The following BIVM variants were observed in gnomAD, a reference collection of about 807,000 sequenced individuals.
BIVM encodes basic, immunoglobulin-like variable motif containing.
BIVM carries 31 observed loss-of-function variants against 61.4 expected under a neutral mutation model. That is an observed-to-expected ratio of 0.51 (90% confidence interval 0.38 to 0.68). BIVM has a LOEUF of 0.68. Among genes scored for constraint, BIVM ranks in the 30% least tolerant of loss-of-function variants. BIVM has a pLI of 0.00. For synonymous variants in BIVM, 189 were observed against 210.7 expected (o/e 0.90, Z 0.89); for missense variants, 526 against 596.0 (o/e 0.88, Z 1.22).
rs927940351 is a variant in BIVM, at chr13:102,834,675, C to T, written c.1121+123C>T. The T allele has an allele frequency of 4.7e-6, 4 of 855,960 alleles. No individual in the cohort carries two copies. The African/African-American group carries it at 7.2e-5, about 15-fold the overall frequency. 53.0% of individuals were successfully genotyped at this position (855,960 alleles called of 1,614,324 possible). A position where few individuals can be genotyped will look rare whatever the true frequency, so the allele number is the denominator to read the frequency against. ...TGCACCTGTATAATCACCACCCAAA[C>T]AGGATATGGTACACATTCATTGCCA... On this transcript the variant is annotated intron_variant, in intron 9 of 10. Transcript: ENST00000257336.
chr13:102,805,898 A>G (rs971128282), intron 2 of BIVM, among the ~76,000 whole-genome samples: 2 of 152,228 alleles, frequency 1.3e-5, no homozygotes, highest in Admixed American at 1.3e-4. Flanking sequence ...TTATTTATAC[A>G]TTCCTCAGTT....
Position 102,807,610 on chromosome 13 carries a change from A to G in BIVM, c.343A>G (p.Ser115Gly). Reference protein sequence around the residue: ...NSSRYIGIPTSTSEIIYNEEN... With the variant: ...NSSRYIGIPTGTSEIIYNEEN... The stretch of plus-strand genomic sequence containing the variant: ...ATCAAGATACATTGGTATCCCGACT[A>G]GTACATCGGAAATTATCTACAATGA... The change falls in exon 3 of 11, where the codon AGT (serine) becomes GGT (glycine). Residue 115 changes from serine to glycine, a missense_variant. Ser to Gly is a moderately conservative substitution (Grantham distance 56). This residue lies in a region of BIVM where 312 missense variants were observed against 343.8 expected (regional missense o/e 0.91). Transcript: ENST00000257336. The surrounding 1 kb of genome is among the most constrained non-coding windows in gnomAD (Gnocchi z 4.0). 1.2e-6 allele frequency: 2 copies of G among 1,614,216 alleles called. No individual in the cohort carries two copies. The highest frequency in any genetic ancestry group is 8.5e-7 in the Non-Finnish European group (1 of 1,180,046).
chr13:102,838,728 A>C lies in BIVM; in HGVS notation c.1207A>C (p.Lys403Gln). 6.2e-7 allele frequency: 1 copy of C among 1,611,974 alleles called. No individual in the cohort carries two copies. The highest frequency in any genetic ancestry group is 8.5e-7 in the Non-Finnish European group (1 of 1,179,258). Residue 403 changes from lysine to glutamine, a missense_variant, in exon 10 of 11, where the codon AAA becomes CAA. Physicochemically the swap from Lys to Gln is moderately conservative, Grantham distance 53. Around this residue, in one of 3 missense-constraint regions of BIVM, gnomAD observed 210 missense variants for 233.1 expected, o/e 0.90. Coordinates refer to ENST00000257336, the MANE Select transcript of BIVM (RefSeq NM_017693.4). ...RHLERGLQYRKTKKVGGNLHC... is the reference protein window; with the variant it reads ...RHLERGLQYRQTKKVGGNLHC... ...CTTAGAGAGGGGACTGCAGTATAGA[A>C]AAACAAAGAAGGTAAGAAGAACACC...
At chr13:102,817,908 T>C (rs1363035580) in intron 4 of BIVM, among the ~76,000 whole-genome samples, 1 of 152,228 alleles carries the variant, frequency 6.6e-6, no homozygotes, top group East Asian at 1.9e-4. Context: ...TATTGGACCC[T>C]TTGCTGTAGG....
At chr13:102,823,275 T>C (rs541567682) in intron 7 of BIVM, among the ~76,000 whole-genome samples, 1 of 152,290 alleles carries the variant, frequency 6.6e-6, no homozygotes, top group East Asian at 1.9e-4. Flanking sequence ...TCAGATATAT[T>C]TCTGTTGACC....
At chr13:102,822,610 T>C (rs1184652567) in intron 7 of BIVM, among the ~76,000 whole-genome samples, 2 of 152,232 alleles carry the variant, frequency 1.3e-5, no homozygotes, top group South Asian at 2.1e-4. Context: ...GAAAATAGAC[T>C]GTTGAAGTGA....
At chr13:102,827,480 A>T (rs1485540708) in intron 7 of BIVM, among the ~76,000 whole-genome samples, 1 of 151,562 alleles carries the variant, frequency 6.6e-6, no homozygotes, top group African/African-American at 2.4e-5. Flanking sequence ...AGAATATTCG[A>T]CTTTTTACTG....
chr13:102,821,181 G>T, intron 5 of BIVM, 49 bp downstream of exon 5: 1 of 1,522,846 alleles, frequency 6.6e-7, no homozygotes, highest in Non-Finnish European at 8.9e-7. Flanking sequence ...GTAATTTGAT[G>T]TTGCTTTTTC....
chr13:102,814,062 C>T (rs1167029115), intron 3 of BIVM, among the ~76,000 whole-genome samples: 1 of 151,824 alleles, frequency 6.6e-6, no homozygotes, highest in Non-Finnish European at 1.5e-5. Context: ...GTGGTGAATA[C>T]ATATATTTGT....
Position 102,821,043 on chromosome 13 carries a change from C to T in BIVM, c.612C>T (p.Cys204=). ...RKVLDLRRWY[C]ISRPQYKTSC... ...CAGTCTTTTGTGTTCTCAGGTACTG[C>T]ATAAGCCGACCACAGTATAAGACTT... The change falls in exon 5 of 11, where the codon TGC becomes TGT. Residue 204 remains cysteine (C), a synonymous_variant. Transcript: ENST00000257336. 1 of 1,611,964 alleles carries T rather than the reference C, an allele frequency of 6.2e-7. No homozygotes were observed. Among genetic ancestry groups the T allele is most frequent in the Non-Finnish European group, 8.5e-7 (1 of 1,179,526 alleles).
Position 102,807,637 on chromosome 13 carries a change from G to T in BIVM, c.370G>T (p.Glu124Ter). The T allele has an allele frequency of 6.2e-7, 1 of 1,614,120 alleles. No homozygotes were observed. Among genetic ancestry groups the T allele is most frequent in the Non-Finnish European group, 8.5e-7 (1 of 1,180,030 alleles). ...TACATCGGAAATTATCTACAATGAA[G>T]AAAATAGCTTGGAAAACTTATCCAA... is the stretch of plus-strand genomic sequence containing the variant. ...TSTSEIIYNEENSLENLSNSL... is the reference protein window; with the variant it reads ...TSTSEIIYNE Residue 124 changes from glutamate (E) to a stop codon, truncating the protein, a stop_gained, in exon 3 of 11, where the codon GAA becomes TAA. Transcript: ENST00000257336. LOFTEE classifies it high-confidence loss of function. This position sits in a 1 kb window ranked among gnomAD's most constrained non-coding sequence, Gnocchi z 4.0.
chr13:102,806,702 G>A (rs1879115884), intron 2 of BIVM, among the ~76,000 whole-genome samples: 1 of 151,908 alleles, frequency 6.6e-6, no homozygotes, highest in Non-Finnish European at 1.5e-5. Context: ...CTTGAGGTCG[G>A]GATTTTGAGA....
chr13:102,830,849 A>T (rs367719618), intron 7 of BIVM, among the ~76,000 whole-genome samples: 1 of 152,314 alleles, frequency 6.6e-6, no homozygotes, highest in Admixed American at 6.5e-5. Flanking sequence ...AGGTTGCCAC[A>T]CAGGGACAGG....
chr13:102,824,384 C>A (rs1236056219), intron 7 of BIVM, among the ~76,000 whole-genome samples: 1 of 152,160 alleles, frequency 6.6e-6, no homozygotes, highest in Non-Finnish European at 1.5e-5. Flanking sequence ...AGCTTAATTT[C>A]TTTTTAAAAT....
At chr13:102,814,234 T>G (rs1464137664) in intron 3 of BIVM, among the ~76,000 whole-genome samples, 1 of 152,126 alleles carries the variant, frequency 6.6e-6, no homozygotes, top group East Asian at 1.9e-4. Context: ...AGGCAGAAGG[T>G]GCAGGTGTTG....
intron 9 of BIVM, among the ~76,000 whole-genome samples, chr13:102,836,280 AG>A (rs1881465730): frequency 7.9e-5 from 12 of 152,028 alleles, no homozygotes; most frequent in Admixed American, 1.3e-4. Context: ...TTTTTCTAGA[AG>A]CTTTATAGAT....
intron 8 of BIVM, among the ~76,000 whole-genome samples, chr13:102,833,723 A>G (rs144834406): frequency 6.6e-6 from 1 of 152,272 alleles, no homozygotes; most frequent in Non-Finnish European, 1.5e-5. Flanking sequence ...GGTTGGAATG[A>G]CCTGGGAGAA....
At chr13:102,821,964 G>A (rs1880325079) in intron 6 of BIVM, 101 bp from the exon 7 acceptor site, 1 of 1,528,130 alleles carries the variant, frequency 6.5e-7, no homozygotes, top group Non-Finnish European at 9.0e-7. Context: ...CCTCTCATAG[G>A]TATACCAACT....
At chr13:102,824,314 A>G (rs1464066327) in intron 7 of BIVM, among the ~76,000 whole-genome samples, 2 of 152,126 alleles carry the variant, frequency 1.3e-5, no homozygotes, top group Non-Finnish European at 2.9e-5. Flanking sequence ...GGACCTTTGG[A>G]TGTAGGGTTG....
Sources: gnomAD v4.1 joint callset for allele counts (sites outside exome capture counted in the v4.1 genomes callset) on GRCh38, gnomAD v4.1.1 for gene constraint, gnomAD v4.1.1 regional missense constraint, Gnocchi (gnomAD v3.1) non-coding constraint, MANE v1.5 for transcripts, NCBI Gene and HGNC (gene_info 2026-07-23, HGNC 2026-07-21) for gene names.